Variants in SLC4A4 observed in about 807,000 individuals in gnomAD.
The protein encoded by SLC4A4 is electrogenic sodium bicarbonate cotransporter 1.
Under a neutral mutation model 111.5 loss-of-function variants are expected in SLC4A4, and 27 were observed. The observed-to-expected ratio is 0.24, with a 90% confidence interval of 0.18 to 0.33. The LOEUF is 0.33. Among genes scored for constraint, SLC4A4 ranks in the 10% least tolerant of loss-of-function variants. The pLI is 1.00. For synonymous variants in SLC4A4, 443 were observed against 463.4 expected (o/e 0.96, Z 0.57); for missense variants, 909 against 1,315.5 (o/e 0.69, Z 4.78).
chr4:71,326,851 A>G (rs1369005897), intron 3 of SLC4A4, among the ~76,000 whole-genome samples: 3 of 152,076 alleles, frequency 2.0e-5, no homozygotes, highest in Non-Finnish European at 4.4e-5. Flanking sequence ...AACAACCATG[A>G]TATCTACCTA....
intron 6 of SLC4A4, among the ~76,000 whole-genome samples, chr4:71,374,916 C>A (rs1427414153): frequency 4.6e-5 from 7 of 152,106 alleles, no homozygotes; most frequent in Admixed American, 4.6e-4. Flanking sequence ...GTTTTCCAAA[C>A]CTTCCTGATC....
chr4:71,265,772 C>T (rs568590304), intron 3 of SLC4A4, among the ~76,000 whole-genome samples: 1 of 152,084 alleles, frequency 6.6e-6, no homozygotes, highest in African/African-American at 2.4e-5. Context: ...TTATCATTAC[C>T]TCTTTGTGTT....
chr4:71,367,292 A>G (rs1731423026), intron 6 of SLC4A4, among the ~76,000 whole-genome samples: 1 of 152,198 alleles, frequency 6.6e-6, no homozygotes, highest in Non-Finnish European at 1.5e-5. Flanking sequence ...ACCTACATAC[A>G]CATTAGAAGC....
intron 15 of SLC4A4, among the ~76,000 whole-genome samples, chr4:71,490,992 AC>A (rs1729848305): frequency 6.6e-6 from 1 of 150,488 alleles, no homozygotes; most frequent in South Asian, 2.1e-4. Context: ...AAAATGTTTG[AC>A]TTTTTTCCTC....
At chr4:71,156,573 T>TGCGCGCGCGC (rs771841334) in intron 2 of SLC4A4, among the ~76,000 whole-genome samples, 2 of 85,714 alleles carry the variant, frequency 2.3e-5, no homozygotes, top group Non-Finnish European at 6.8e-5. Flanking sequence ...TGTGCGCGCA[T>TGCGCGCGCGC]GCGCGCGCGC....
At chr4:71,265,824 A>C (rs1448531314) in intron 3 of SLC4A4, among the ~76,000 whole-genome samples, 1 of 152,146 alleles carries the variant, frequency 6.6e-6, no homozygotes, top group East Asian at 1.9e-4. Flanking sequence ...CCTATAAGAA[A>C]CTTGGGCCTT....
intron 1 of SLC4A4, among the ~76,000 whole-genome samples, chr4:71,222,165 T>C (rs1718784226): frequency 6.6e-6 from 1 of 152,070 alleles, no homozygotes; most frequent in African/African-American, 2.4e-5. Flanking sequence ...GCAGCCTGCC[T>C]CTCCTTTACC....
Position 71,546,379 on chromosome 4 carries a change from TTGGG to T in SLC4A4, c.2476_2479del (p.Val826ProfsTer16). 6.2e-7 allele frequency: 1 copy of T among 1,612,840 alleles called. No individual in the cohort carries two copies. Reference sequence around the variant, plus strand: ...GAGCAGGGTATCACTTGGATCTCTTTTGGGTGGCCATCCTCATGGTTATATGCTC... The same window carrying T: ...GAGCAGGGTATCACTTGGATCTCTTTTGGCCATCCTCATGGTTATATGCTC... On this transcript the variant is annotated frameshift_variant, in exon 19 of 26. Coordinates refer to ENST00000264485, the MANE Select transcript of SLC4A4 (RefSeq NM_001098484.3). LOFTEE classifies it high-confidence loss of function.
chr4:71,448,934 A>G (rs754102702), intron 9 of SLC4A4, among the ~76,000 whole-genome samples: 8 of 152,180 alleles, frequency 5.3e-5, no homozygotes, highest in Non-Finnish European at 1.0e-4. Flanking sequence ...CATTTATTTT[A>G]TTCATCTCAG....
At chr4:71,181,141 C>T (rs1240691552) in intron 2 of SLC4A4, among the ~76,000 whole-genome samples, 2 of 145,698 alleles carry the variant, frequency 1.4e-5, no homozygotes, top group African/African-American at 2.6e-5. Context: ...CGCATGTTCT[C>T]ACTCATAGGT....
chr4:71,524,649 CTT>C (rs892074105), intron 16 of SLC4A4, among the ~76,000 whole-genome samples: 1 of 147,288 alleles, frequency 6.8e-6, no homozygotes, highest in Non-Finnish European at 1.5e-5. Flanking sequence ...ACTATTAATG[CTT>C]TTTTTTTTGC....
At chr4:71,342,727 A>ATT (rs1201688610) in intron 4 of SLC4A4, among the ~76,000 whole-genome samples, 4 of 152,192 alleles carry the variant, frequency 2.6e-5, no homozygotes, top group African/African-American at 9.7e-5. Flanking sequence ...TGGTCCCAGA[A>ATT]AGGTAGAGAG....
chr4:71,513,685 G>C (rs1259622209), intron 16 of SLC4A4, among the ~76,000 whole-genome samples: 1 of 152,092 alleles, frequency 6.6e-6, no homozygotes, highest in Non-Finnish European at 1.5e-5. Context: ...TTGTGAAAGT[G>C]GATATCCTTG....
intron 1 of SLC4A4, among the ~76,000 whole-genome samples, chr4:71,070,724 C>T (rs1741639382): frequency 6.6e-6 from 1 of 152,096 alleles, no homozygotes; most frequent in African/African-American, 2.4e-5. Context: ...AATGCTTCCA[C>T]AAGCACAAAA....
chr4:71,172,337 C>T (rs946859957), intron 2 of SLC4A4, among the ~76,000 whole-genome samples: 1 of 151,518 alleles, frequency 6.6e-6, no homozygotes, highest in Admixed American at 6.6e-5. Context: ...CTCACTGCAA[C>T]CTCTGCCTCA....
rs1416813362 is a variant in SLC4A4 at position 71,570,998 on chromosome 4, G to A, written c.*3247G>A. On this transcript the variant is annotated 3_prime_UTR_variant, in exon 26 of 26. Coordinates refer to ENST00000264485, the MANE Select transcript of SLC4A4 (RefSeq NM_001098484.3). ...TCAGCCTTCCACCTCCAAGAGAGGA[G>A]GAAAAACAGTTGTCTGCTGTCTGTA... 6.6e-6 allele frequency: 1 copy of A among 152,148 alleles called. No homozygotes were observed. Among genetic ancestry groups the A allele is most frequent in the Admixed American group, 6.6e-5 (1 of 15,166 alleles). The allele number at this position is 152,148 out of a possible 1,614,324, so 9.4% of individuals were successfully genotyped here. A position where few individuals can be genotyped will look rare whatever the true frequency, so the allele number is the denominator to read the frequency against.
At chr4:71,425,229 G>A (rs1325841729) in intron 7 of SLC4A4, among the ~76,000 whole-genome samples, 1 of 152,102 alleles carries the variant, frequency 6.6e-6, no homozygotes, top group Non-Finnish European at 1.5e-5. Context: ...TGTACACAGA[G>A]AAACAAAGGC....
At chr4:71,491,381 G>A (rs910855638) in intron 15 of SLC4A4, among the ~76,000 whole-genome samples, 10 of 151,884 alleles carry the variant, frequency 6.6e-5, no homozygotes, top group African/African-American at 2.4e-4. Flanking sequence ...CCACTTCATT[G>A]TAACGTTGAT....
chr4:71,293,092 C>T (rs186762985), intron 3 of SLC4A4, among the ~76,000 whole-genome samples: 355 of 150,544 alleles, frequency 2.4e-3, no homozygotes, highest in African/African-American at 7.1e-3. Context: ...CCACCCGCTT[C>T]GGCCTCCCAA....
Sources: gnomAD v4.1 joint callset for allele counts (sites outside exome capture counted in the v4.1 genomes callset) on GRCh38, gnomAD v4.1.1 for gene constraint, MANE v1.5 for transcripts, NCBI Gene and HGNC (gene_info 2026-07-23, HGNC 2026-07-21) for gene names.